The following OR1B1 variants were observed in gnomAD, a reference collection of about 807,000 sequenced individuals.
The protein encoded by OR1B1 is olfactory receptor 1B1.
For synonymous variants in OR1B1, 168 were observed against 156.2 expected, an observed-to-expected ratio of 1.08 and a Z score of -0.57; for missense variants, 414 against 402.1, an observed-to-expected ratio of 1.03 and a Z score of -0.25.
chr9:122,634,652 C>T, the OR1B1 span, among the ~76,000 whole-genome samples: 1 of 152,102 alleles, frequency 6.6e-6, no homozygotes. Context: ...AGGTCCCTCC[C>T]TTGACATGTG....
chr9:122,646,137 G>C, the OR1B1 span, among the ~76,000 whole-genome samples: 2 of 152,016 alleles, frequency 1.3e-5, no homozygotes, highest in African/African-American at 4.8e-5. Flanking sequence ...AAAATGATGG[G>C]TTATAAGATA....
At chr9:122,629,596 G>T, upstream of OR1B1, 3 of 1,011,512 alleles carry the variant, frequency 3.0e-6, no homozygotes, top group African/African-American at 1.6e-5. Flanking sequence ...TGGGTCTGAT[G>T]TTAGGGATCA....
chr9:122,632,399 GA>G (rs1157723250), upstream of OR1B1, among the ~76,000 whole-genome samples: 13 of 152,174 alleles, frequency 8.5e-5, no homozygotes, highest in Admixed American at 8.5e-4. Flanking sequence ...AGTGGCTGAA[GA>G]GAGAAGTTAG....
the OR1B1 span, among the ~76,000 whole-genome samples, chr9:122,636,695 A>C: frequency 1.3e-5 from 2 of 152,336 alleles, no homozygotes; most frequent in East Asian, 3.9e-4. Context: ...CCTAACACAG[A>C]GCTGGGGAAT....
At chr9:122,631,445 G>A (rs1256913201), upstream of OR1B1, among the ~76,000 whole-genome samples, 7 of 152,126 alleles carry the variant, frequency 4.6e-5, no homozygotes, top group Non-Finnish European at 4.4e-5. Flanking sequence ...CCAAAGTGCT[G>A]GGATTACAGG....
At chr9:122,652,895 A>G in the OR1B1 span, among the ~76,000 whole-genome samples, 1 of 152,164 alleles carries the variant, frequency 6.6e-6, no homozygotes, top group Non-Finnish European at 1.5e-5. Context: ...TAGCTCTCCT[A>G]TAATCACAGT....
the OR1B1 span, among the ~76,000 whole-genome samples, chr9:122,640,717 G>A: frequency 1.3e-3 from 193 of 152,300 alleles, no homozygotes; most frequent in Non-Finnish European, 2.0e-3. Flanking sequence ...TACAAGAGAA[G>A]AGAGAAGAGA....
chr9:122,653,801 T>TC, the OR1B1 span, among the ~76,000 whole-genome samples: 6 of 152,286 alleles, frequency 3.9e-5, no homozygotes, highest in East Asian at 1.2e-3. Context: ...ACACTCAAGA[T>TC]CCCCTCAGAC....
chr9:122,632,267 GAAAAT>G (rs1238377579), upstream of OR1B1, among the ~76,000 whole-genome samples: 1 of 150,546 alleles, frequency 6.6e-6, no homozygotes, highest in Non-Finnish European at 1.5e-5. Context: ...GTCTAAGAGA[GAAAAT>G]AAAGATTATA....
the OR1B1 span, among the ~76,000 whole-genome samples, chr9:122,653,472 A>C: frequency 6.6e-6 from 1 of 152,192 alleles, no homozygotes; most frequent in African/African-American, 2.4e-5. Flanking sequence ...ATAAGTTTTC[A>C]TAAAATTCTT....
At chr9:122,633,020 ACCAT>A (rs1830220762), upstream of OR1B1, among the ~76,000 whole-genome samples, 1 of 152,112 alleles carries the variant, frequency 6.6e-6, no homozygotes, top group Admixed American at 6.5e-5. Context: ...CCTTTATAAA[ACCAT>A]CAGATCTCAT....
exon 1 of OR1B1, chr9:122,629,283 C>T: frequency 6.2e-7 from 1 of 1,614,028 alleles, no homozygotes; most frequent in Non-Finnish European, 8.5e-7. Context: ...ACCAAATGGG[C>T]CAGCAACTGG....
chr9:122,656,469 ATGGGAG>A, the OR1B1 span, among the ~76,000 whole-genome samples: 1 of 151,846 alleles, frequency 6.6e-6, no homozygotes, highest in Non-Finnish European at 1.5e-5. Flanking sequence ...AGGAATTATC[ATGGGAG>A]TGGGTTCCTG....
the OR1B1 span, among the ~76,000 whole-genome samples, chr9:122,648,239 C>T: frequency 6.6e-6 from 1 of 152,166 alleles, no homozygotes; most frequent in East Asian, 1.9e-4. Flanking sequence ...CCCTGGGATG[C>T]AAGGCTGGTT....
At chr9:122,643,699 A>G in the OR1B1 span, among the ~76,000 whole-genome samples, 3 of 152,196 alleles carry the variant, frequency 2.0e-5, no homozygotes, top group African/African-American at 4.8e-5. Context: ...TGTAGTAATG[A>G]AAGTGACTCC....
the OR1B1 span, among the ~76,000 whole-genome samples, chr9:122,637,551 C>T: frequency 6.6e-6 from 1 of 152,206 alleles, no homozygotes; most frequent in Admixed American, 6.5e-5. Flanking sequence ...AAGGAAAACT[C>T]ATACATTTTT....
chr9:122,653,236 C>T, the OR1B1 span, among the ~76,000 whole-genome samples: 2 of 152,136 alleles, frequency 1.3e-5, no homozygotes, highest in African/African-American at 2.4e-5. Flanking sequence ...CACCATGCTA[C>T]GTATTAAATG....
At chr9:122,653,297 G>A in the OR1B1 span, among the ~76,000 whole-genome samples, 3 of 152,280 alleles carry the variant, frequency 2.0e-5, no homozygotes, top group Non-Finnish European at 2.9e-5. Flanking sequence ...ACTATGAAAG[G>A]AAGTATAGCT....
Position 122,629,506 on chromosome 9 carries a change from G to T in OR1B1, c.30C>A (p.His10Gln), listed in dbSNP as rs565181850. The stretch of plus-strand genomic sequence containing the variant: ...ACCCAAGGAGCAAAAAAACCGGAGA[G>T]TGTGAAGCATTAGGGGCAAAGCTCA... Residue 10 changes from histidine to glutamine, a missense_variant, in exon 1 of 1, where the codon CAC (histidine) becomes CAA (glutamine). Transcript: ENST00000623530. 2.0e-5 allele frequency: 32 copies of T among 1,610,870 alleles called. No individual in the cohort carries two copies. The African/African-American group carries it at 4.0e-4, about 20-fold the overall frequency.
Sources: allele counts gnomAD v4.1 joint callset (sites outside exome capture counted in the v4.1 genomes callset), GRCh38; gene constraint gnomAD v4.1.1; transcripts MANE v1.5; gene names NCBI Gene and HGNC (gene_info 2026-07-23, HGNC 2026-07-21).